Variants in TNIP3 observed in about 807,000 individuals in gnomAD.
The protein encoded by TNIP3 is TNFAIP3 interacting protein 3.
A neutral mutation model predicts 54.1 loss-of-function variants in TNIP3; 34 were observed. The observed-to-expected ratio is 0.63, with a 90% CI of 0.48 to 0.84. The LOEUF is 0.84. Among genes scored for constraint, TNIP3 ranks in the 40% least tolerant of loss-of-function variants. The probability of loss-of-function intolerance (pLI) is 0.00; values close to 1 mark genes in which losing one functional copy is unlikely to be tolerated. For synonymous variants in TNIP3, 134 were observed against 136.8 expected, an observed-to-expected ratio of 0.98 and a Z score of 0.14; for missense variants, 366 against 387.6, an observed-to-expected ratio of 0.94 and a Z score of 0.47.
At chr4:121,171,736 T>G (rs1723960901) in intron 3 of TNIP3, among the ~76,000 whole-genome samples, 1 of 152,044 alleles carries the variant, frequency 6.6e-6, no homozygotes, top group African/African-American at 2.4e-5. Flanking sequence ...TTGTTTTGTT[T>G]TGTTTTGTTT....
At chr4:121,150,275 C>T (rs1729670575) in intron 5 of TNIP3, 56 bp from the exon 6 acceptor site, 1 of 1,099,600 alleles carries the variant, frequency 9.1e-7, no homozygotes, top group Non-Finnish European at 1.3e-6. Context: ...GGAATGAATT[C>T]TTTTATAATT....
At chr4:121,219,516 C>G (rs1433832267), upstream of TNIP3, among the ~76,000 whole-genome samples, 1 of 152,104 alleles carries the variant, frequency 6.6e-6, no homozygotes, top group Non-Finnish European at 1.5e-5. Flanking sequence ...CAAAATAACC[C>G]AACTTTGAAG....
chr4:121,218,511 TA>T (rs1726895915), upstream of TNIP3, among the ~76,000 whole-genome samples: 1 of 151,970 alleles, frequency 6.6e-6, no homozygotes. Flanking sequence ...TCCAATAGTT[TA>T]TTTTCCTTCC....
intron 3 of TNIP3, among the ~76,000 whole-genome samples, chr4:121,173,580 C>G (rs1724120559): frequency 6.6e-6 from 1 of 152,138 alleles, no homozygotes; most frequent in Admixed American, 6.5e-5. Flanking sequence ...GCAGATCACT[C>G]TGTTTTTCTC....
At chr4:121,186,747 A>G (rs1266904518) in intron 2 of TNIP3, among the ~76,000 whole-genome samples, 1 of 152,220 alleles carries the variant, frequency 6.6e-6, no homozygotes, top group African/African-American at 2.4e-5. Flanking sequence ...ACAAGTTTGG[A>G]AAGTAGGAGC....
In TNIP3 at chr4:121,172,007, ACAGG is replaced by A. The variant is rs766567235; in HGVS notation, c.190-7865_190-7862del. 3.9e-5 allele frequency among the ~76,000 whole-genome samples: 6 copies of A among 152,320 alleles called. No homozygotes were observed. The East Asian group carries it at 1.2e-3, about 29-fold the overall frequency. Reference sequence around the variant, plus strand: ...CTCAGCCTCCCAAAGTTCTGGGATTACAGGCATGAGCCACCACACCTGGCCCCTA... The same window carrying A: ...CTCAGCCTCCCAAAGTTCTGGGATTACATGAGCCACCACACCTGGCCCCTA... On this transcript the variant is annotated intron_variant, in intron 3 of 12. Coordinates refer to the TNIP3 transcript ENST00000507879.
intron 2 of TNIP3, among the ~76,000 whole-genome samples, chr4:121,196,331 C>A (rs1725580000): frequency 6.6e-6 from 1 of 152,104 alleles, no homozygotes; most frequent in Admixed American, 6.6e-5. Flanking sequence ...TAAGACAGAT[C>A]AACTAGTGAT....
chr4:121,218,856 C>G (rs1334681774), upstream of TNIP3, among the ~76,000 whole-genome samples: 1 of 152,122 alleles, frequency 6.6e-6, no homozygotes, highest in Non-Finnish European at 1.5e-5. Flanking sequence ...ACTACTTTCC[C>G]TAGCTATAGC....
At chr4:121,141,136 T>C (rs1011793065) in intron 9 of TNIP3, among the ~76,000 whole-genome samples, 10 of 152,198 alleles carry the variant, frequency 6.6e-5, no homozygotes, top group Admixed American at 6.5e-4. Flanking sequence ...TGCATATTTT[T>C]TTCCTGGATA....
At chr4:121,154,733 G>C in intron 4 of TNIP3, 54 bp from the exon 5 acceptor site, 1 of 1,497,602 alleles carries the variant, frequency 6.7e-7, no homozygotes, top group Non-Finnish European at 8.9e-7. Context: ...CAAATGAGAT[G>C]ATATTGTAGG....
At chr4:121,165,404 C>G (rs1046649186), upstream of TNIP3, among the ~76,000 whole-genome samples, 1 of 152,046 alleles carries the variant, frequency 6.6e-6, no homozygotes, top group Admixed American at 6.6e-5. Context: ...TCCATCCAAC[C>G]TTATGACGGG....
intron 2 of TNIP3, among the ~76,000 whole-genome samples, chr4:121,215,605 T>C (rs562714523): frequency 6.6e-6 from 1 of 152,264 alleles, no homozygotes; most frequent in Admixed American, 6.5e-5. Context: ...CTTCTATTTT[T>C]CCATCTTTCT....
upstream of TNIP3, among the ~76,000 whole-genome samples, chr4:121,168,166 TA>T (rs1730867234): frequency 6.6e-6 from 1 of 152,162 alleles, no homozygotes; most frequent in African/African-American, 2.4e-5. Context: ...CTCAGTTTAA[TA>T]AGCAAGTGGC....
At position 121,142,549 on chromosome 4, in the gene TNIP3, G is replaced by A. The variant is rs180968108; in HGVS notation, c.786+177C>T. Among the ~76,000 whole-genome samples the A allele has an allele frequency of 1.2e-3, 188 of 152,282 alleles. 1 individual carries two copies. The highest frequency in any genetic ancestry group is 0.012 in the East Asian group (61 of 5,180). On this transcript the variant is annotated intron_variant, in intron 8 of 10. Transcript: ENST00000057513. Reference sequence around the variant, plus strand: ...AGCATATGCTTTCTATGAGTGTTAGGGTTGAAAGGCCTTGGTGGTGCCTAA... The same window carrying A: ...AGCATATGCTTTCTATGAGTGTTAGAGTTGAAAGGCCTTGGTGGTGCCTAA...
At chr4:121,185,320 C>T (rs1330243369) in intron 2 of TNIP3, among the ~76,000 whole-genome samples, 6 of 152,258 alleles carry the variant, frequency 3.9e-5, no homozygotes, top group African/African-American at 1.2e-4. Flanking sequence ...TGCTATCCCA[C>T]TTCATTCAGT....
intron 2 of TNIP3, among the ~76,000 whole-genome samples, chr4:121,188,018 G>C (rs1241351064): frequency 6.6e-6 from 1 of 151,986 alleles, no homozygotes; most frequent in East Asian, 1.9e-4. Context: ...CTAAAATCTT[G>C]ATTTAAGGGG....
At chr4:121,185,213 C>G (rs1724947123) in intron 2 of TNIP3, among the ~76,000 whole-genome samples, 1 of 152,226 alleles carries the variant, frequency 6.6e-6, no homozygotes, top group South Asian at 2.1e-4. Context: ...CCTTCATGCT[C>G]TTTTTCTTCC....
At chr4:121,216,753 G>T, upstream of TNIP3, 1 of 643,762 alleles carries the variant, frequency 1.6e-6, no homozygotes, top group East Asian at 4.2e-5. Context: ...AGAATCTCAT[G>T]ACAGGGAGAA....
chr4:121,171,435 G>T (rs1311688097), intron 3 of TNIP3, among the ~76,000 whole-genome samples: 1 of 152,100 alleles, frequency 6.6e-6, no homozygotes, highest in Non-Finnish European at 1.5e-5. Flanking sequence ...TTGATGGTGG[G>T]TATATGTGTA....
Sources: gnomAD v4.1 joint callset for allele counts (sites outside exome capture counted in the v4.1 genomes callset) on GRCh38, gnomAD v4.1.1 for gene constraint, MANE v1.5 for transcripts, NCBI Gene and HGNC (gene_info 2026-07-23, HGNC 2026-07-21) for gene names.